SAMD5: variants seen among roughly 807,000 people sequenced by gnomAD.
SAMD5 encodes sterile alpha motif domain-containing protein 5.
Under a neutral mutation model 11.3 loss-of-function variants are expected in SAMD5, and 13 were observed. That is an observed-to-expected ratio of 1.15 (90% confidence interval 0.75 to 1.83). SAMD5 has a LOEUF of 1.83. SAMD5 is among the 40% of genes most tolerant of loss of function. The probability of loss-of-function intolerance (pLI) is 0.00; values close to 1 mark genes in which losing one functional copy is unlikely to be tolerated. For synonymous variants in SAMD5, 129 were observed against 111.3 expected (o/e 1.16, Z -1.00); for missense variants, 255 against 239.1 (o/e 1.07, Z -0.44).
At chr6:147,615,408 T>A (rs1789850195) in intron 1 of SAMD5, among the ~76,000 whole-genome samples, 1 of 152,222 alleles carries the variant, frequency 6.6e-6, no homozygotes, top group Admixed American at 6.5e-5. Context: ...ATTCAATAAA[T>A]GTGAACCATG....
chr6:147,886,042 G>T, the SAMD5 span, among the ~76,000 whole-genome samples: 1 of 152,228 alleles, frequency 6.6e-6, no homozygotes, highest in East Asian at 1.9e-4. Context: ...TATAGTCTAA[G>T]CTTATTTCTG....
intron 1 of SAMD5, among the ~76,000 whole-genome samples, chr6:147,536,205 A>G (rs4895712): frequency 0.61 from 92,244 of 151,918 alleles, 28,616 homozygotes; most frequent in African/African-American, 0.72. Context: ...GGATGGTCTC[A>G]ATCTCCTGAC....
At chr6:147,948,629 ATATATC>A in the SAMD5 span, among the ~76,000 whole-genome samples, 8 of 152,300 alleles carry the variant, frequency 5.3e-5, no homozygotes, top group African/African-American at 1.4e-4. Context: ...TTTAGCTGAG[ATATATC>A]TATATCTATA....
the SAMD5 span, among the ~76,000 whole-genome samples, chr6:147,928,457 G>T: frequency 3.3e-5 from 5 of 152,100 alleles, no homozygotes; most frequent in African/African-American, 1.2e-4. Context: ...TTCACATACA[G>T]GTGTTTGTAA....
chr6:147,787,197 T>A, the SAMD5 span, among the ~76,000 whole-genome samples: 1 of 152,130 alleles, frequency 6.6e-6, no homozygotes, highest in East Asian at 1.9e-4. Context: ...CTCAATGAAA[T>A]GGCTAATTTT....
At chr6:147,838,279 A>G in the SAMD5 span, among the ~76,000 whole-genome samples, 1 of 152,146 alleles carries the variant, frequency 6.6e-6, no homozygotes, top group Non-Finnish European at 1.5e-5. Flanking sequence ...AATACCATAA[A>G]ATATGAAATG....
intron 1 of SAMD5, among the ~76,000 whole-genome samples, chr6:147,700,295 T>C (rs752445254): frequency 6.6e-6 from 1 of 152,230 alleles, no homozygotes; most frequent in Non-Finnish European, 1.5e-5. Flanking sequence ...TCTAGACTAA[T>C]CTGCCTCTTT....
intron 1 of SAMD5, among the ~76,000 whole-genome samples, chr6:147,546,346 G>A (rs1275034217): frequency 1.3e-5 from 2 of 152,062 alleles, no homozygotes; most frequent in Non-Finnish European, 2.9e-5. Context: ...CCTGACCAAC[G>A]TGGAGAAATC....
chr6:147,511,960 T>C (rs921859214), intron 1 of SAMD5, among the ~76,000 whole-genome samples: 7 of 152,168 alleles, frequency 4.6e-5, no homozygotes, highest in Non-Finnish European at 1.0e-4. Flanking sequence ...ATAGTATTTT[T>C]TGTTTGTTTG....
chr6:147,727,348 C>T (rs1331492181), intron 1 of SAMD5, among the ~76,000 whole-genome samples: 1 of 152,168 alleles, frequency 6.6e-6, no homozygotes, highest in East Asian at 1.9e-4. Context: ...TCCCTATATG[C>T]TCTAAGAAGG....
At chr6:147,876,523 G>A in the SAMD5 span, among the ~76,000 whole-genome samples, 7 of 152,144 alleles carry the variant, frequency 4.6e-5, no homozygotes, top group Non-Finnish European at 7.3e-5. Context: ...TTGGTGAATG[G>A]CACCTCTGAA....
chr6:147,675,818 G>C (rs1790854948), intron 1 of SAMD5, among the ~76,000 whole-genome samples: 1 of 152,130 alleles, frequency 6.6e-6, no homozygotes, highest in African/African-American at 2.4e-5. Flanking sequence ...TGTTAATGCA[G>C]AGCTGCAGCA....
At chr6:147,520,167 G>C (rs934553311) in intron 1 of SAMD5, among the ~76,000 whole-genome samples, 1 of 148,176 alleles carries the variant, frequency 6.7e-6, no homozygotes, top group African/African-American at 2.5e-5. Flanking sequence ...GCCCAGGCTG[G>C]AGTGCAGAGG....
At position 147,566,012 on chromosome 6, in the gene SAMD5, CA is replaced by C; in HGVS notation, c.*1557del. 1 of 985,254 alleles carries C rather than the reference CA, an allele frequency of 1.0e-6. No homozygotes were observed. The highest frequency in any genetic ancestry group is 1.2e-6 in the Non-Finnish European group (1 of 829,800). 61.0% of individuals were successfully genotyped at this position (985,254 alleles called of 1,614,324 possible). A position where few individuals can be genotyped will look rare whatever the true frequency, so the allele number is the denominator to read the frequency against. On this transcript the variant is annotated 3_prime_UTR_variant, in exon 2 of 2. Coordinates refer to ENST00000367474, the MANE Select transcript of SAMD5 (RefSeq NM_001030060.3). The stretch of plus-strand genomic sequence containing the variant: ...TCTCAAAGGAAAAGAAACTTACATT[CA>C]CTTTTTCCTGGTCCATTTTGGTTCC...
At chr6:147,656,838 A>G (rs1473386728) in intron 1 of SAMD5, among the ~76,000 whole-genome samples, 4 of 152,020 alleles carry the variant, frequency 2.6e-5, no homozygotes, top group Non-Finnish European at 5.9e-5. Context: ...TTTGGTTTCT[A>G]TCCTAGCAAT....
the SAMD5 span, among the ~76,000 whole-genome samples, chr6:147,944,850 C>T: frequency 1.3e-5 from 2 of 152,206 alleles, no homozygotes; most frequent in Admixed American, 1.3e-4. Context: ...GTTCATGCCT[C>T]TTCCTTGCTT....
intron 1 of SAMD5, among the ~76,000 whole-genome samples, chr6:147,708,329 C>G (rs1252437662): frequency 6.6e-6 from 1 of 152,228 alleles, no homozygotes; most frequent in African/African-American, 2.4e-5. Flanking sequence ...TTCCTTCCCT[C>G]ACAACCCTCA....
chr6:147,580,629 A>G (rs1326316142), intron 1 of SAMD5, among the ~76,000 whole-genome samples: 3 of 152,206 alleles, frequency 2.0e-5, no homozygotes, highest in Admixed American at 6.5e-5. Context: ...CTAGACTTTA[A>G]AATTGTATTT....
the SAMD5 span, among the ~76,000 whole-genome samples, chr6:147,930,621 G>A: frequency 6.6e-6 from 1 of 152,114 alleles, no homozygotes; most frequent in Non-Finnish European, 1.5e-5. Context: ...GGCAGGCAGT[G>A]GCATGACTTG....
Sources: gnomAD v4.1 joint callset for allele counts (sites outside exome capture counted in the v4.1 genomes callset) on GRCh38, gnomAD v4.1.1 for gene constraint, MANE v1.5 for transcripts, NCBI Gene and HGNC (gene_info 2026-07-23, HGNC 2026-07-21) for gene names.